SEMA6D: variants seen among roughly 807,000 people sequenced by gnomAD.
The protein encoded by SEMA6D is semaphorin 6D.
In SEMA6D, 35 loss-of-function variants were observed where a neutral mutation model predicts 106.6. The observed-to-expected ratio is 0.33, with a 90% CI of 0.25 to 0.44. SEMA6D has a LOEUF of 0.44. Among genes scored for constraint, SEMA6D ranks in the 20% least tolerant of loss-of-function variants. The pLI is 1.00. For synonymous variants in SEMA6D, 499 were observed against 487.7 expected (o/e 1.02, Z -0.31); for missense variants, 1,185 against 1,345.9 (o/e 0.88, Z 1.87).
intron 2 of SEMA6D, among the ~76,000 whole-genome samples, chr15:47,460,762 C>T (rs2042483028): frequency 6.6e-6 from 1 of 152,084 alleles, no homozygotes; most frequent in Admixed American, 6.6e-5. Flanking sequence ...AAACAAATCC[C>T]AGTTTTGGTA....
At chr15:47,307,193 A>T (rs974641147) in intron 1 of SEMA6D, among the ~76,000 whole-genome samples, 12 of 152,248 alleles carry the variant, frequency 7.9e-5, no homozygotes, top group African/African-American at 2.7e-4. Context: ...TTACACATAG[A>T]GAACAGTCAA....
chr15:47,354,665 G>C (rs2038492410), intron 1 of SEMA6D, among the ~76,000 whole-genome samples: 1 of 151,708 alleles, frequency 6.6e-6, no homozygotes, highest in South Asian at 2.1e-4. Flanking sequence ...CCTTCAATGA[G>C]GAGGGGTTAG....
chr15:47,255,230 T>C (rs2033741712), intron 1 of SEMA6D, among the ~76,000 whole-genome samples: 1 of 152,150 alleles, frequency 6.6e-6, no homozygotes, highest in African/African-American at 2.4e-5. Context: ...TTTGTTGGTA[T>C]ACAGTTGTTC....
chr15:47,534,375 G>A (rs530056144), intron 3 of SEMA6D, among the ~76,000 whole-genome samples: 2 of 151,694 alleles, frequency 1.3e-5, no homozygotes, highest in Non-Finnish European at 2.9e-5. Context: ...TAGAGATGAG[G>A]TTTCACCATA....
intron 1 of SEMA6D, among the ~76,000 whole-genome samples, chr15:47,300,083 T>A (rs2035962597): frequency 6.6e-6 from 1 of 152,224 alleles, no homozygotes; most frequent in African/African-American, 2.4e-5. Context: ...GTCTGATTAA[T>A]CTGAGCAAAC....
chr15:47,449,616 G>A (rs575253438), intron 2 of SEMA6D, among the ~76,000 whole-genome samples: 2 of 152,104 alleles, frequency 1.3e-5, no homozygotes, highest in South Asian at 4.2e-4. Context: ...AAAGTATCCC[G>A]AGCTTCTCAC....
rs1435452807 is a variant in SEMA6D at position 47,589,044 on chromosome 15, G to C, written c.-86-11821G>C. Among the ~76,000 whole-genome samples, 3 of 152,186 alleles carry C rather than the reference G, an allele frequency of 2.0e-5. No homozygotes were observed. The East Asian group carries it at 5.8e-4, about 29-fold the overall frequency. On this transcript the variant is annotated intron_variant, in intron 3 of 19. Transcript: ENST00000558014. Reference sequence around the variant, plus strand: ...GATTATCCGGCACCAAATGTCAATAGTACTGAGGTTGAGAAACACTGAATG... The same window carrying C: ...GATTATCCGGCACCAAATGTCAATACTACTGAGGTTGAGAAACACTGAATG...
intron 1 of SEMA6D, among the ~76,000 whole-genome samples, chr15:47,273,551 TC>T (rs915572958): frequency 1.3e-5 from 2 of 152,214 alleles, no homozygotes; most frequent in African/African-American, 4.8e-5. Flanking sequence ...TTCTATTTGT[TC>T]ATTTTTTGCA....
In SEMA6D at chr15:47,768,597, A is replaced by G. The variant is rs1471508133; in HGVS notation, c.1782A>G (p.Ser594=). 6.2e-7 allele frequency: 1 copy of G among 1,611,718 alleles called. No homozygotes were observed. Among genetic ancestry groups the G allele is most frequent in the Non-Finnish European group, 8.5e-7 (1 of 1,178,412 alleles). The change falls in exon 18 of 19, where the codon TCA becomes TCG. Residue 594 remains serine, a synonymous_variant. Coordinates refer to ENST00000536845, the MANE Select transcript of SEMA6D (RefSeq NM_001358351.3). ...CCACCACAGACATGGAGGTATCTTCATCTTCTGTTACCACAATGGCAAGTA... is the reference window on the plus strand; with the variant it reads ...CCACCACAGACATGGAGGTATCTTCGTCTTCTGTTACCACAATGGCAAGTA... ...GGPTSDMEVS[S]SSVTTMASIP...
intron 1 of SEMA6D, among the ~76,000 whole-genome samples, chr15:47,731,836 G>A (rs561339235): frequency 5.3e-5 from 8 of 152,118 alleles, no homozygotes; most frequent in African/African-American, 9.6e-5. Context: ...ATATGTCCAC[G>A]CTATACATAG....
At chr15:47,348,824 G>A (rs1037718083) in intron 1 of SEMA6D, among the ~76,000 whole-genome samples, 5 of 150,680 alleles carry the variant, frequency 3.3e-5, no homozygotes, top group Non-Finnish European at 5.9e-5. Context: ...GAGGACTCAC[G>A]GAGAGCTTTT....
intron 15 of SEMA6D, 76 bp from the exon 16 acceptor site, chr15:47,766,540 T>C: frequency 7.4e-7 from 1 of 1,351,752 alleles, no homozygotes; most frequent in Middle Eastern, 1.8e-4. Flanking sequence ...TCTGTGTTCT[T>C]GGTTCTGCTC....
intron 4 of SEMA6D, among the ~76,000 whole-genome samples, chr15:47,693,530 C>T (rs1020516432): frequency 1.3e-5 from 2 of 152,150 alleles, no homozygotes; most frequent in African/African-American, 4.8e-5. Context: ...ATCACTGTGA[C>T]AGTCCCCAAG....
intron 2 of SEMA6D, among the ~76,000 whole-genome samples, chr15:47,424,804 A>G (rs1300634380): frequency 2.6e-5 from 4 of 152,182 alleles, no homozygotes; most frequent in South Asian, 2.1e-4. Flanking sequence ...GCAAAAGCAT[A>G]CAAATTGATT....
chr15:47,664,605 C>T (rs557184904), intron 4 of SEMA6D, among the ~76,000 whole-genome samples: 1 of 152,188 alleles, frequency 6.6e-6, no homozygotes, highest in Non-Finnish European at 1.5e-5. Context: ...TGAGCATCCC[C>T]ATGAGGGGAA....
Position 47,540,738 on chromosome 15 carries a change from G to A in SEMA6D, c.-86-60127G>A, listed in dbSNP as rs2045330032. 1.3e-5 allele frequency among the ~76,000 whole-genome samples: 2 copies of A among 152,168 alleles called. 1 individual carries two copies. The highest frequency in any genetic ancestry group is 4.1e-4 in the South Asian group (2 of 4,826). ...CATACCATCCTTGGGGAAAACTGTG[G>A]AAGGGACAAGTAGAGCTGCCCTAGG... On this transcript the variant is annotated intron_variant, in intron 3 of 19. Transcript: ENST00000558014.
At chr15:47,253,553 G>T (rs1292490193) in intron 1 of SEMA6D, among the ~76,000 whole-genome samples, 2 of 152,116 alleles carry the variant, frequency 1.3e-5, no homozygotes, top group East Asian at 3.9e-4. Context: ...AGAAATAAGG[G>T]TCTAGTTTCC....
intron 1 of SEMA6D, among the ~76,000 whole-genome samples, chr15:47,287,115 A>G (rs16959166): frequency 0.018 from 2,771 of 152,002 alleles, 52 homozygotes; most frequent in African/African-American, 0.024. Flanking sequence ...GGCAATGAAA[A>G]CTCATATGTC....
At chr15:47,192,179 C>T (rs772303435) in intron 1 of SEMA6D, among the ~76,000 whole-genome samples, 2 of 152,168 alleles carry the variant, frequency 1.3e-5, no homozygotes, top group Admixed American at 6.5e-5. Flanking sequence ...CCTCTGTCTA[C>T]ACCCTCACTC....
Sources: gnomAD v4.1 joint callset for allele counts (sites outside exome capture counted in the v4.1 genomes callset) on GRCh38, gnomAD v4.1.1 for gene constraint, MANE v1.5 for transcripts, NCBI Gene and HGNC (gene_info 2026-07-23, HGNC 2026-07-21) for gene names.